RRBP1: variants seen among roughly 807,000 people sequenced by gnomAD.
RRBP1 encodes ribosome-binding protein 1.
In RRBP1, 94 loss-of-function variants were observed where a neutral mutation model predicts 165.2. That is an observed-to-expected ratio of 0.57 (90% confidence interval 0.48 to 0.68). RRBP1 has a LOEUF of 0.68. Ranked by LOEUF, RRBP1 falls within the 30% of genes least tolerant of loss-of-function variation. The pLI is 0.00. For missense variants in RRBP1, 1,676 were observed against 1,763.0 expected, an observed-to-expected ratio of 0.95 and a Z score of 0.88; for synonymous variants, 680 against 714.5, an observed-to-expected ratio of 0.95 and a Z score of 0.77.
chr20:17,677,839 CA>C (rs368313269), intron 2 of RRBP1, among the ~76,000 whole-genome samples: 3 of 145,384 alleles, frequency 2.1e-5, no homozygotes, highest in Admixed American at 2.1e-4. Context: ...AACTTTGTCT[CA>C]AAAAAAAAGA....
intron 13 of RRBP1, among the ~76,000 whole-genome samples, chr20:17,624,001 C>A (rs912690051): frequency 6.6e-6 from 1 of 152,110 alleles, no homozygotes; most frequent in Non-Finnish European, 1.5e-5. Flanking sequence ...GCAGGATTAC[C>A]CGACAAAAGG....
At chr20:17,667,243 GATCTT>G (rs2036889598) in intron 2 of RRBP1, among the ~76,000 whole-genome samples, 1 of 152,162 alleles carries the variant, frequency 6.6e-6, no homozygotes, top group African/African-American at 2.4e-5. Flanking sequence ...AGTGTTCTGA[GATCTT>G]TTCTTAAAGG....
chr20:17,644,410 C>A (rs1442766256), intron 3 of RRBP1, among the ~76,000 whole-genome samples: 1 of 152,164 alleles, frequency 6.6e-6, no homozygotes, highest in Non-Finnish European at 1.5e-5. Context: ...AAAATTCTAA[C>A]CCAAAAGCCA....
chr20:17,681,467 C>G (rs1476406598), intron 1 of RRBP1, among the ~76,000 whole-genome samples: 1 of 148,454 alleles, frequency 6.7e-6, no homozygotes, highest in Non-Finnish European at 1.5e-5. Flanking sequence ...GGGCCGCGGC[C>G]CGGGACCGGC....
intron 6 of RRBP1, among the ~76,000 whole-genome samples, 198 bp downstream of exon 6, chr20:17,636,379 C>A (rs2036248934): frequency 6.6e-6 from 1 of 152,226 alleles, no homozygotes; most frequent in African/African-American, 2.4e-5. Context: ...ACATTATACA[C>A]ACACTTGGGC....
chr20:17,653,085 C>T (rs2036585938), intron 3 of RRBP1, among the ~76,000 whole-genome samples: 1 of 152,210 alleles, frequency 6.6e-6, no homozygotes, highest in Non-Finnish European at 1.5e-5. Context: ...CAGAGAAGGG[C>T]CTTTGCAAGG....
chr20:17,621,312 A>G, intron 16 of RRBP1, 146 bp downstream of exon 16: 1 of 626,298 alleles, frequency 1.6e-6, no homozygotes, highest in South Asian at 1.9e-5. Flanking sequence ...CCATCCATTT[A>G]CCATGCAGCC....
Position 17,661,379 on chromosome 20 carries a change from T to G in RRBP1, c.-21-851A>C, listed in dbSNP as rs1032933763. Reference sequence around the variant, plus strand: ...TGGGAGGCCCAGAAGATGCCAGGTTTGGAATTTCACATCCAGAAGCTGCAC... The same window carrying G: ...TGGGAGGCCCAGAAGATGCCAGGTTGGGAATTTCACATCCAGAAGCTGCAC... On this transcript the variant is annotated intron_variant, in intron 2 of 24. Coordinates refer to ENST00000377813, the MANE Select transcript of RRBP1 (RefSeq NM_001365613.2). Among the ~76,000 whole-genome samples, 4 of 152,328 alleles carry G rather than the reference T, an allele frequency of 2.6e-5. No homozygotes were observed. In the East Asian group the frequency reaches 5.8e-4, roughly 22 times the overall value.
intron 2 of RRBP1, among the ~76,000 whole-genome samples, chr20:17,676,242 C>G (rs903982144): frequency 6.6e-6 from 1 of 152,070 alleles, no homozygotes; most frequent in Non-Finnish European, 1.5e-5. Flanking sequence ...GCTGTTTGGA[C>G]CAGGGAGAAG....
At chr20:17,648,583 T>TG (rs2036505163) in intron 3 of RRBP1, among the ~76,000 whole-genome samples, 2 of 152,200 alleles carry the variant, frequency 1.3e-5, no homozygotes, top group African/African-American at 4.8e-5. Context: ...AACAACCCAA[T>TG]TCAGGGCCTT....
At chr20:17,662,637 G>A (rs557788813) in intron 2 of RRBP1, among the ~76,000 whole-genome samples, 4 of 152,248 alleles carry the variant, frequency 2.6e-5, no homozygotes, top group African/African-American at 9.6e-5. Context: ...TTTGATCATC[G>A]AGGGAGGATA....
intron 2 of RRBP1, among the ~76,000 whole-genome samples, chr20:17,666,730 C>A (rs2036878716): frequency 6.6e-6 from 1 of 152,260 alleles, no homozygotes; most frequent in African/African-American, 2.4e-5. Context: ...GTAGCATTCG[C>A]AAGTTACTAC....
intron 9 of RRBP1, among the ~76,000 whole-genome samples, chr20:17,628,626 T>TGCCCC (rs2036081438): frequency 6.6e-6 from 1 of 152,240 alleles, no homozygotes; most frequent in South Asian, 2.1e-4. Flanking sequence ...GACCTGGCCC[T>TGCCCC]GCCCCGCCAC....
At chr20:17,667,210 T>C (rs550201522) in intron 2 of RRBP1, among the ~76,000 whole-genome samples, 1 of 152,258 alleles carries the variant, frequency 6.6e-6, no homozygotes, top group East Asian at 1.9e-4. Context: ...CTGGAAGAAC[T>C]TGCCCATAAA....
intron 2 of RRBP1, among the ~76,000 whole-genome samples, chr20:17,661,021 T>C (rs1600772262): frequency 6.6e-6 from 1 of 150,734 alleles, no homozygotes; most frequent in Non-Finnish European, 1.5e-5. Context: ...ATTTTTCATG[T>C]TAGGCCAGAC....
At chr20:17,619,508 C>T in intron 19 of RRBP1, 125 bp downstream of exon 19, 2 of 642,766 alleles carry the variant, frequency 3.1e-6, no homozygotes, top group Non-Finnish European at 5.1e-6. Context: ...CGGGCAAACG[C>T]CTGAGGACTC....
chr20:17,632,909 A>G (rs2036179940), intron 8 of RRBP1, among the ~76,000 whole-genome samples: 1 of 152,162 alleles, frequency 6.6e-6, no homozygotes, highest in Non-Finnish European at 1.5e-5. Flanking sequence ...AAAAGGCCTC[A>G]AGGCCACACC....
At chr20:17,645,153 C>T (rs1255421449) in intron 3 of RRBP1, among the ~76,000 whole-genome samples, 1 of 152,198 alleles carries the variant, frequency 6.6e-6, no homozygotes, top group Non-Finnish European at 1.5e-5. Context: ...GGCCCCACGG[C>T]CCCTACTGCA....
intron 8 of RRBP1, among the ~76,000 whole-genome samples, chr20:17,631,714 GAGAGACAGGCAATGA>G (rs1257124973): frequency 6.6e-6 from 1 of 152,234 alleles, no homozygotes; most frequent in Non-Finnish European, 1.5e-5. Context: ...GCCGTCCGGG[GAGAGACAGGCAATGA>G]GGGGCAGGGC....
Sources: allele counts gnomAD v4.1 joint callset (sites outside exome capture counted in the v4.1 genomes callset), GRCh38; gene constraint gnomAD v4.1.1; transcripts MANE v1.5; gene names NCBI Gene and HGNC (gene_info 2026-07-23, HGNC 2026-07-21).